The following PPP2R2D variants were observed in gnomAD, a reference collection of about 807,000 sequenced individuals.
PPP2R2D encodes the protein protein phosphatase 2 regulatory subunit Bdelta.
In PPP2R2D, 9 loss-of-function variants were observed where a neutral mutation model predicts 31.1. The observed-to-expected ratio is 0.29, with a 90% CI of 0.17 to 0.51. The LOEUF is 0.51. PPP2R2D is among the 20% of genes least tolerant of loss of function. The pLI, the probability that PPP2R2D is intolerant of heterozygous loss-of-function variation, is 0.98. For synonymous variants in PPP2R2D, 179 were observed against 172.6 expected (o/e 1.04, Z -0.29); for missense variants, 391 against 465.6 (o/e 0.84, Z 1.48).
At chr10:131,917,796 T>C (rs1392341391) in intron 2 of PPP2R2D, among the ~76,000 whole-genome samples, 5 of 75,414 alleles carry the variant, frequency 6.6e-5, no homozygotes, top group Admixed American at 1.5e-4. Context: ...GGACCTCACG[T>C]GGGTGGAATG....
downstream of PPP2R2D, among the ~76,000 whole-genome samples, chr10:131,964,666 G>GTTTTT (rs60096905): frequency 2.2e-5 from 3 of 133,794 alleles, no homozygotes; most frequent in Non-Finnish European, 3.1e-5. Context: ...AGTTTACTAT[G>GTTTTT]TTTTTTTTTT....
Position 131,943,869 on chromosome 10 carries a change from A to T in PPP2R2D, c.478-99A>T. The T allele has an allele frequency of 2.0e-5, 13 of 666,234 alleles. No homozygotes were observed. The South Asian group carries it at 2.2e-4, about 11-fold the overall frequency. The allele number at this position is 666,234 out of a possible 1,614,324, so 41.3% of individuals were successfully genotyped here. The stretch of plus-strand genomic sequence containing the variant: ...GCCTGTACAGAATTATTACTTAGCC[A>T]TGAATATAAACTTGTCCTCTTTCGT... On this transcript the variant is annotated intron_variant, in intron 5 of 8. Coordinates refer to ENST00000455566, the MANE Select transcript of PPP2R2D (RefSeq NM_018461.5).
At chr10:131,941,194 T>C (rs1275644872) in intron 5 of PPP2R2D, among the ~76,000 whole-genome samples, 2 of 152,252 alleles carry the variant, frequency 1.3e-5, no homozygotes, top group African/African-American at 4.8e-5. Context: ...ATGAGCATCA[T>C]TACTTTTTTA....
At chr10:131,929,352 C>T (rs998203618) in intron 2 of PPP2R2D, among the ~76,000 whole-genome samples, 3 of 152,184 alleles carry the variant, frequency 2.0e-5, no homozygotes, top group Non-Finnish European at 4.4e-5. Flanking sequence ...TTCACTAAAG[C>T]GTAAGCCGTG....
chr10:131,926,642 A>G (rs782249278), intron 2 of PPP2R2D, among the ~76,000 whole-genome samples: 4 of 152,134 alleles, frequency 2.6e-5, no homozygotes, highest in Admixed American at 2.6e-4. Context: ...GGGCAGCTCT[A>G]CTCCTCTTTC....
chr10:131,917,019 C>T (rs1359260318), intron 2 of PPP2R2D, among the ~76,000 whole-genome samples: 7 of 125,986 alleles, frequency 5.6e-5, no homozygotes, highest in Non-Finnish European at 8.5e-5. Context: ...AGTGTAGGGA[C>T]CTCACGTGGG....
Position 131,945,759 on chromosome 10 carries a change from C to T in PPP2R2D, c.820+300C>T, listed in dbSNP as rs369183848. 9 of 296,458 alleles carry T rather than the reference C, an allele frequency of 3.0e-5. No individual in the cohort carries two copies. Among genetic ancestry groups the T allele is most frequent in the African/African-American group, 1.3e-4 (6 of 46,910 alleles). 18.4% of individuals were successfully genotyped at this position (296,458 alleles called of 1,614,324 possible). On this transcript the variant is annotated intron_variant, in intron 7 of 8. Transcript: ENST00000455566. This position sits in a 1 kb window ranked among gnomAD's most constrained non-coding sequence, Gnocchi z 4.8. ...AGTCACCGCACCTGGTCACGCCTGG[C>T]GTCTTTTAAAGCATCTCATTTAGAG...
downstream of PPP2R2D, among the ~76,000 whole-genome samples, chr10:131,961,061 C>T (rs990902064): frequency 6.6e-6 from 1 of 152,144 alleles, no homozygotes; most frequent in African/African-American, 2.4e-5. Flanking sequence ...GGTGAGACAG[C>T]AAGCCAGGAA....
intron 2 of PPP2R2D, among the ~76,000 whole-genome samples, chr10:131,926,431 C>G (rs1249516043): frequency 1.3e-5 from 2 of 152,098 alleles, no homozygotes; most frequent in Non-Finnish European, 2.9e-5. Flanking sequence ...TAATTCAGTA[C>G]TCTGGGAGGC....
chr10:131,958,946 A>G lies in PPP2R2D; in HGVS notation c.*2983A>G, dbSNP rs1282188957. ...AGATAAAGGTGTGTGCTGATCCCCC[A>G]TCCCCCTGTGGAGATGAAGGCGTGT... On this transcript the variant is annotated 3_prime_UTR_variant, in exon 9 of 9. Transcript: ENST00000455566. The G allele has an allele frequency of 7.6e-5, 8 of 105,892 alleles. No homozygotes were observed. The highest frequency in any genetic ancestry group is 2.2e-4 in the Admixed American group (2 of 9,092). 6.6% of individuals were successfully genotyped at this position (105,892 alleles called of 1,614,324 possible).
rs1257605692 is a variant in PPP2R2D at position 131,945,574 on chromosome 10, C to G, written c.820+115C>G. The G allele has an allele frequency of 7.8e-7, 1 of 1,279,576 alleles. No homozygotes were observed. Among genetic ancestry groups the G allele is most frequent in the Non-Finnish European group, 1.1e-6 (1 of 943,598 alleles). The allele number at this position is 1,279,576 out of a possible 1,614,324, so 79.3% of individuals were successfully genotyped here. ...TCCCGGGTTCCAGCAAGTCTTCTGC[C>G]TCGGCCTCCCGAGTAGCTGGGACCA... On this transcript the variant is annotated intron_variant, in intron 7 of 8. Transcript: ENST00000455566. This position sits in a 1 kb window ranked among gnomAD's most constrained non-coding sequence, Gnocchi z 4.8.
downstream of PPP2R2D, among the ~76,000 whole-genome samples, chr10:131,964,284 C>T (rs997538449): frequency 3.9e-5 from 6 of 151,904 alleles, no homozygotes; most frequent in Non-Finnish European, 4.4e-5. Context: ...TAGTTTCCGT[C>T]GACGAATCAG....
chr10:131,907,701 C>T (rs2035618594), intron 2 of PPP2R2D, among the ~76,000 whole-genome samples: 1 of 151,548 alleles, frequency 6.6e-6, no homozygotes. Flanking sequence ...GGAGATCACG[C>T]CACTGCACCT....
chr10:131,913,666 T>C (rs2035721709), intron 2 of PPP2R2D, among the ~76,000 whole-genome samples: 1 of 152,180 alleles, frequency 6.6e-6, no homozygotes, highest in Non-Finnish European at 1.5e-5. Flanking sequence ...GATTTTGGCA[T>C]GCGAGCATCT....
rs549651455 is a variant in PPP2R2D, at chr10:131,954,646, T to C, written c.1083-1038T>C. On this transcript the variant is annotated intron_variant, in intron 8 of 8. Transcript: ENST00000455566. ...TGAGTTCGTCTTTTTTTTTTTTTTT[T>C]CCCCTGCTTTGAAGTTTTAGACAAG... 4.8e-3 allele frequency among the ~76,000 whole-genome samples: 714 copies of C among 147,268 alleles called. 5 individuals are homozygous for C. Among genetic ancestry groups the C allele is most frequent in the Admixed American group, 0.018 (270 of 14,740 alleles).
intron 3 of PPP2R2D, among the ~76,000 whole-genome samples, chr10:131,937,685 C>T (rs1027800792): frequency 1.8e-4 from 28 of 152,326 alleles, no homozygotes; most frequent in African/African-American, 6.0e-4. Flanking sequence ...AGCACTTTGA[C>T]TTGGACATTT....
chr10:131,903,312 C>T (rs2035531172), intron 2 of PPP2R2D, among the ~76,000 whole-genome samples: 1 of 151,852 alleles, frequency 6.6e-6, no homozygotes, highest in Non-Finnish European at 1.5e-5. Flanking sequence ...GCTAAAAATA[C>T]AGAAGTTAGC....
At chr10:131,944,875 A>G (rs9419217) in intron 6 of PPP2R2D, among the ~76,000 whole-genome samples, 65,891 of 152,016 alleles carry the variant, frequency 0.43, 14,493 homozygotes, top group African/African-American at 0.51. Flanking sequence ...TAAGCTCTTC[A>G]TGTCAGGAAG....
chr10:131,939,902 G>A, intron 3 of PPP2R2D, 129 bp from the exon 4 acceptor site: 1 of 391,592 alleles, frequency 2.6e-6, no homozygotes, highest in Non-Finnish European at 4.7e-6. Flanking sequence ...TTTCATCTGA[G>A]ATTTTTTTGA....
Sources: gnomAD v4.1 joint callset for allele counts (sites outside exome capture counted in the v4.1 genomes callset) on GRCh38, gnomAD v4.1.1 for gene constraint, Gnocchi (gnomAD v3.1) non-coding constraint, MANE v1.5 for transcripts, NCBI Gene and HGNC (gene_info 2026-07-23, HGNC 2026-07-21) for gene names.